Variants in PABPC4L observed in about 807,000 individuals in gnomAD.
PABPC4L encodes the protein polyadenylate-binding protein 4-like.
For missense variants in PABPC4L, 452 were observed against 451.4 expected, an observed-to-expected ratio of 1.00 and a Z score of -0.01; for synonymous variants, 169 against 164.1, an observed-to-expected ratio of 1.03 and a Z score of -0.23.
chr4:133,985,456 C>A, the PABPC4L span, among the ~76,000 whole-genome samples: 5 of 151,824 alleles, frequency 3.3e-5, no homozygotes, highest in Admixed American at 2.0e-4. Flanking sequence ...TCTCCAATTA[C>A]AAATCCAAAT....
the PABPC4L span, among the ~76,000 whole-genome samples, chr4:134,148,726 C>A: frequency 6.9e-3 from 1,050 of 152,152 alleles, 14 homozygotes; most frequent in African/African-American, 0.024. Context: ...GCAACAACCC[C>A]ACCTTCTCAT....
chr4:134,025,013 C>T, the PABPC4L span, among the ~76,000 whole-genome samples: 167 of 145,756 alleles, frequency 1.1e-3, no homozygotes, highest in Non-Finnish European at 2.2e-3. Context: ...CTCCAGTGAT[C>T]TTTCTACCTT....
At chr4:134,185,090 T>C in the PABPC4L span, among the ~76,000 whole-genome samples, 1 of 152,018 alleles carries the variant, frequency 6.6e-6, no homozygotes, top group African/African-American at 2.4e-5. Flanking sequence ...GGTGTCTTTC[T>C]CATTGTGTAA....
rs1319156555 is a variant in PABPC4L at position 134,197,459 on chromosome 4, A to G, written c.*2448T>C. ...AGTGTTCAAAATATTTTGAAGCATG[A>G]CATCAAAGCCATTTCAGTAGAATAC... On this transcript the variant is annotated 3_prime_UTR_variant, in exon 2 of 2. Transcript: ENST00000421491. 1 of 151,722 alleles carries G rather than the reference A, an allele frequency of 6.6e-6. No homozygotes were observed. Among genetic ancestry groups the G allele is most frequent in the Non-Finnish European group, 1.5e-5 (1 of 67,634 alleles). The allele number at this position is 151,722 out of a possible 1,614,324, so 9.4% of individuals were successfully genotyped here.
chr4:133,988,235 C>G, the PABPC4L span, among the ~76,000 whole-genome samples: 134 of 152,262 alleles, frequency 8.8e-4, 1 homozygote, highest in Admixed American at 3.5e-3. Context: ...ACAATCATGC[C>G]TTTCCAACAG....
the PABPC4L span, among the ~76,000 whole-genome samples, chr4:134,027,084 A>G: frequency 2.0e-5 from 3 of 152,138 alleles, no homozygotes. Context: ...TAAATTATTT[A>G]TGTACTTATT....
At chr4:134,077,093 A>G in the PABPC4L span, among the ~76,000 whole-genome samples, 3 of 152,056 alleles carry the variant, frequency 2.0e-5, no homozygotes, top group African/African-American at 7.2e-5. Context: ...TCTTTTCTAC[A>G]TCTTCTATTG....
At chr4:134,185,274 T>C in the PABPC4L span, among the ~76,000 whole-genome samples, 1 of 152,042 alleles carries the variant, frequency 6.6e-6, no homozygotes, top group Non-Finnish European at 1.5e-5. Flanking sequence ...TGAACATCAA[T>C]GCAAAAATCC....
chr4:133,978,594 T>A, the PABPC4L span, among the ~76,000 whole-genome samples: 1 of 151,922 alleles, frequency 6.6e-6, no homozygotes, highest in Admixed American at 6.6e-5. Context: ...ATCTCCAATA[T>A]AAAATATTCT....
chr4:134,045,882 A>C, the PABPC4L span, among the ~76,000 whole-genome samples: 3 of 152,176 alleles, frequency 2.0e-5, no homozygotes, highest in African/African-American at 2.4e-5. Context: ...TTCATTATGA[A>C]ACAATGTGTA....
chr4:134,141,624 T>A, the PABPC4L span, among the ~76,000 whole-genome samples: 1 of 151,612 alleles, frequency 6.6e-6, no homozygotes, highest in East Asian at 1.9e-4. Flanking sequence ...AATGTTTAGA[T>A]CTTAAAGCTA....
the PABPC4L span, among the ~76,000 whole-genome samples, chr4:134,082,445 G>T: frequency 6.6e-6 from 1 of 152,066 alleles, no homozygotes; most frequent in Non-Finnish European, 1.5e-5. Context: ...TAATTTGTTT[G>T]TATTCTCTGT....
At chr4:134,189,169 G>T in the PABPC4L span, among the ~76,000 whole-genome samples, 1 of 151,932 alleles carries the variant, frequency 6.6e-6, no homozygotes. Context: ...TCATTTCTCT[G>T]CATACATTGT....
the PABPC4L span, among the ~76,000 whole-genome samples, chr4:134,025,887 T>C: frequency 1.3e-5 from 2 of 152,112 alleles, no homozygotes; most frequent in Non-Finnish European, 2.9e-5. Context: ...TACCAGCATT[T>C]GAAGGAAAAT....
At chr4:133,971,006 T>C in the PABPC4L span, among the ~76,000 whole-genome samples, 14 of 151,658 alleles carry the variant, frequency 9.2e-5, no homozygotes, top group Non-Finnish European at 1.8e-4. Flanking sequence ...ACAATCCCCA[T>C]CCATCATGAC....
chr4:134,108,267 A>C, the PABPC4L span, among the ~76,000 whole-genome samples: 1 of 151,714 alleles, frequency 6.6e-6, no homozygotes, highest in Non-Finnish European at 1.5e-5. Context: ...AATTAACTAA[A>C]ATTATGTGAC....
chr4:134,189,254 G>T, the PABPC4L span, among the ~76,000 whole-genome samples: 1 of 151,998 alleles, frequency 6.6e-6, no homozygotes, highest in East Asian at 1.9e-4. Flanking sequence ...TTAAATTCAT[G>T]ATTTGATAAT....
At chr4:134,163,772 A>T in the PABPC4L span, among the ~76,000 whole-genome samples, 4 of 152,170 alleles carry the variant, frequency 2.6e-5, no homozygotes, top group African/African-American at 9.7e-5. Context: ...GATACAGAAA[A>T]CACATTCAAT....
chr4:134,082,870 CA>C, the PABPC4L span, among the ~76,000 whole-genome samples: 60 of 152,210 alleles, frequency 3.9e-4, no homozygotes, highest in Admixed American at 6.5e-4. Flanking sequence ...GTTACGGCAA[CA>C]TGATCGATAT....
Sources: gnomAD v4.1 joint callset for allele counts (sites outside exome capture counted in the v4.1 genomes callset) on GRCh38, gnomAD v4.1.1 for gene constraint, MANE v1.5 for transcripts, NCBI Gene and HGNC (gene_info 2026-07-23, HGNC 2026-07-21) for gene names.